POLDIP3: variants seen among roughly 807,000 people sequenced by gnomAD.
POLDIP3 encodes the protein DNA polymerase delta interacting protein 3, also known as polymerase delta-interacting protein 3.
Under a neutral mutation model 45.1 loss-of-function variants are expected in POLDIP3, and 14 were observed. The observed-to-expected ratio is 0.31, with a 90% confidence interval of 0.20 to 0.49. The LOEUF (loss-of-function observed/expected upper bound fraction) is 0.49, where lower values mean the gene tolerates loss of function less well. Among genes scored for constraint, POLDIP3 ranks in the 20% least tolerant of loss-of-function variants. The pLI, the probability that POLDIP3 is intolerant of heterozygous loss-of-function variation, is 0.99. For synonymous variants in POLDIP3, 223 were observed against 205.2 expected, an observed-to-expected ratio of 1.09 and a Z score of -0.74; for missense variants, 511 against 538.8, an observed-to-expected ratio of 0.95 and a Z score of 0.51.
intron 1 of POLDIP3, among the ~76,000 whole-genome samples, chr22:42,607,401 G>T (rs1054156078): frequency 6.6e-6 from 1 of 152,234 alleles, no homozygotes; most frequent in African/African-American, 2.4e-5. Context: ...ACGGAGTCTC[G>T]CTCAATCAGT....
intron 1 of POLDIP3, among the ~76,000 whole-genome samples, chr22:42,603,421 T>C (rs1038464249): frequency 6.6e-6 from 1 of 152,166 alleles, no homozygotes; most frequent in African/African-American, 2.4e-5. Flanking sequence ...TTTTGCTTCC[T>C]AGACCACGTG....
intron 5 of POLDIP3, 84 bp downstream of exon 5, chr22:42,596,102 A>T: frequency 2.1e-6 from 3 of 1,434,430 alleles, no homozygotes; most frequent in Non-Finnish European, 2.9e-6. Flanking sequence ...CACCTCACAA[A>T]GGCGTTGTGG....
rs1320814734 is a variant in POLDIP3, at chr22:42,585,457, A to G, written c.*334T>C. On this transcript the variant is annotated 3_prime_UTR_variant, in exon 9 of 9. Transcript: ENST00000252115. ...CCCCCACGCTGCATCCCATGGGGCC[A>G]CAAGAAAGCCACCCAGAGAATTCAG... 2 of 362,404 alleles carry G rather than the reference A, an allele frequency of 5.5e-6. No homozygotes were observed. The highest frequency in any genetic ancestry group is 1.1e-5 in the Non-Finnish European group (2 of 187,658). The allele number at this position is 362,404 out of a possible 1,614,324, so 22.4% of individuals were successfully genotyped here. A position where few individuals can be genotyped will look rare whatever the true frequency, so the allele number is the denominator to read the frequency against.
At chr22:42,605,150 T>C (rs1307586636) in intron 1 of POLDIP3, among the ~76,000 whole-genome samples, 2 of 152,330 alleles carry the variant, frequency 1.3e-5, no homozygotes, top group African/African-American at 2.4e-5. Flanking sequence ...TTGTTTGAGA[T>C]GGAGTCTTGC....
chr22:42,605,994 T>C (rs2146829268), intron 1 of POLDIP3, among the ~76,000 whole-genome samples: 1 of 152,112 alleles, frequency 6.6e-6, no homozygotes, highest in African/African-American at 2.4e-5. Context: ...ATACAAAAAT[T>C]AGCCAGACGT....
chr22:42,608,253 A>ACCC (rs200089986), intron 1 of POLDIP3, among the ~76,000 whole-genome samples: 13 of 101,458 alleles, frequency 1.3e-4, no homozygotes, highest in African/African-American at 5.3e-4. Context: ...CTATAACCTT[A>ACCC]CCCCCCCCCC....
At chr22:42,608,094 C>T (rs1333925396) in intron 1 of POLDIP3, among the ~76,000 whole-genome samples, 2 of 152,200 alleles carry the variant, frequency 1.3e-5, no homozygotes, top group Non-Finnish European at 2.9e-5. Context: ...GCCATGAAGA[C>T]GATGGCGGTT....
At chr22:42,598,547 G>A (rs1024309799) in intron 4 of POLDIP3, among the ~76,000 whole-genome samples, 1 of 152,014 alleles carries the variant, frequency 6.6e-6, no homozygotes, top group Admixed American at 6.6e-5. Flanking sequence ...CACCACGCCC[G>A]AACTTTTTTG....
At chr22:42,612,166 CCTTTA>C (rs1290613893) in intron 1 of POLDIP3, among the ~76,000 whole-genome samples, 3 of 152,190 alleles carry the variant, frequency 2.0e-5, no homozygotes, top group Non-Finnish European at 2.9e-5. Flanking sequence ...TCATGTTACT[CCTTTA>C]CTTTAAGAAG....
chr22:42,614,717 C>G (rs915457294), intron 1 of POLDIP3, 82 bp downstream of exon 1: 1 of 1,487,344 alleles, frequency 6.7e-7, no homozygotes, highest in Non-Finnish European at 9.4e-7. Flanking sequence ...TCCTCCGCGT[C>G]GCTCCCGGAT....
At chr22:42,588,869 G>A (rs997455293) in intron 7 of POLDIP3, among the ~76,000 whole-genome samples, 1 of 152,090 alleles carries the variant, frequency 6.6e-6, no homozygotes, top group Non-Finnish European at 1.5e-5. Context: ...CAGGTGATCC[G>A]CCTGGCGGAT....
chr22:42,605,058 A>G (rs1279343663), intron 1 of POLDIP3, among the ~76,000 whole-genome samples: 1 of 152,216 alleles, frequency 6.6e-6, no homozygotes, highest in Non-Finnish European at 1.5e-5. Context: ...CTCATCAGAC[A>G]TGGAATCTGC....
At chr22:42,606,861 AG>A (rs1255396045) in intron 1 of POLDIP3, among the ~76,000 whole-genome samples, 1 of 152,242 alleles carries the variant, frequency 6.6e-6, no homozygotes, top group Non-Finnish European at 1.5e-5. Flanking sequence ...AGAGCTACTA[AG>A]GGGTGAGGAA....
intron 4 of POLDIP3, chr22:42,597,632 CA>C (rs1926076384): frequency 2.2e-6 from 1 of 452,108 alleles, no homozygotes; most frequent in African/African-American, 2.1e-5. Flanking sequence ...ATAAATATGG[CA>C]TTTATTCAAT....
rs1282836777 is a variant in POLDIP3, at chr22:42,585,786, C to G, written c.*5G>C. ...CCCCCACTTCTGGCTGCCTCACTCCCCTGCTCAAAGCTTGATTTTGAATTC... is the reference window on the plus strand; with the variant it reads ...CCCCCACTTCTGGCTGCCTCACTCCGCTGCTCAAAGCTTGATTTTGAATTC... On this transcript the variant is annotated 3_prime_UTR_variant, in exon 9 of 9. Coordinates refer to ENST00000252115, the MANE Select transcript of POLDIP3 (RefSeq NM_032311.5). The G allele has an allele frequency of 1.2e-6, 2 of 1,610,396 alleles. No homozygotes were observed. The highest frequency in any genetic ancestry group is 1.7e-6 in the Non-Finnish European group (2 of 1,178,888).
intron 3 of POLDIP3, 33 bp downstream of exon 3, chr22:42,601,937 A>G: frequency 6.2e-7 from 1 of 1,604,318 alleles, no homozygotes; most frequent in Non-Finnish European, 8.5e-7. Flanking sequence ...GTACACACAG[A>G]TTCTCTCTCT....
At chr22:42,586,354 G>A (rs1003313895) in intron 8 of POLDIP3, among the ~76,000 whole-genome samples, 5 of 151,880 alleles carry the variant, frequency 3.3e-5, no homozygotes, top group Non-Finnish European at 5.9e-5. Context: ...TTTTGAGACA[G>A]AATCTCACTC....
chr22:42,608,138 AGAG>A lies in POLDIP3; in HGVS notation c.60-4981_60-4979del. 2.0e-5 allele frequency among the ~76,000 whole-genome samples: 3 copies of A among 152,376 alleles called. No individual in the cohort carries two copies. The South Asian group carries it at 6.2e-4, about 32-fold the overall frequency. On this transcript the variant is annotated intron_variant, in intron 1 of 8. Coordinates refer to ENST00000252115, the MANE Select transcript of POLDIP3 (RefSeq NM_032311.5). Reference sequence around the variant, plus strand: ...TAGAAAAGGGGGAAATGTGGGGAAAAGAGAGATCAGATTGTTACTGTGTCTGTG... The same window carrying A: ...TAGAAAAGGGGGAAATGTGGGGAAAAAGATCAGATTGTTACTGTGTCTGTG...
rs1262594155 is a variant in POLDIP3 at position 42,584,682 on chromosome 22, G to GC, written c.*1108dup. The GC allele has an allele frequency of 2.8e-6, 1 of 357,128 alleles. No homozygotes were observed. Among genetic ancestry groups the GC allele is most frequent in the Non-Finnish European group, 5.5e-6 (1 of 182,376 alleles). 22.1% of individuals were successfully genotyped at this position (357,128 alleles called of 1,614,324 possible). A position where few individuals can be genotyped will look rare whatever the true frequency, so the allele number is the denominator to read the frequency against. ...GGGAAACACCTTGCCTGGTAGAGCT[G>GC]CCCTGCTCCCTTGACTCCTCCTCCT... On this transcript the variant is annotated 3_prime_UTR_variant, in exon 9 of 9. Transcript: ENST00000252115.
Sources: gnomAD v4.1 joint callset for allele counts (sites outside exome capture counted in the v4.1 genomes callset) on GRCh38, gnomAD v4.1.1 for gene constraint, MANE v1.5 for transcripts, NCBI Gene and HGNC (gene_info 2026-07-23, HGNC 2026-07-21) for gene names.